NUP210: variants seen among roughly 807,000 people sequenced by gnomAD.
NUP210 encodes the protein nuclear pore membrane glycoprotein 210.
A neutral mutation model predicts 196.0 loss-of-function variants in NUP210; 151 were observed. The ratio of observed to expected loss-of-function variants is 0.77; its 90% CI spans 0.67 to 0.88. The LOEUF (loss-of-function observed/expected upper bound fraction) is 0.88, where lower values mean the gene tolerates loss of function less well. Among genes scored for constraint, NUP210 ranks in the 40% least tolerant of loss-of-function variants. The pLI, the probability that NUP210 is intolerant of heterozygous loss-of-function variation, is 0.00. For synonymous variants in NUP210, 1,070 were observed against 1,052.7 expected, an observed-to-expected ratio of 1.02 and a Z score of -0.32; for missense variants, 2,314 against 2,493.7, an observed-to-expected ratio of 0.93 and a Z score of 1.53.
In NUP210 at chr3:13,328,881, G is replaced by A. The variant is rs927507336; in HGVS notation, c.4176C>T (p.Ala1392=). Residue 1392 remains alanine (A), a synonymous_variant, in exon 31 of 40, where the codon GCC becomes GCT. Transcript: ENST00000254508. ...TCATTCCCAAAGGCACGGCCACCAG[G>A]GCCTCCTTGTTCTGGGTGTGCAGGA... ...SPVLHTQNKE[A]LVAVPLGMTV... is the part of the protein sequence containing the mutation. 4 of 1,614,144 alleles carry A rather than the reference G, an allele frequency of 2.5e-6. No individual in the cohort carries two copies. The highest frequency in any genetic ancestry group is 1.1e-5 in the South Asian group (1 of 91,088).
chr3:13,383,633 T>A (rs1699174226), intron 6 of NUP210, among the ~76,000 whole-genome samples: 1 of 147,476 alleles, frequency 6.8e-6, no homozygotes, highest in African/African-American at 2.5e-5. Context: ...CAAGCAATTC[T>A]CCTGCCTCAG....
intron 25 of NUP210, 26 bp from the exon 26 acceptor site, chr3:13,337,943 T>C (rs745949018): frequency 8.1e-6 from 13 of 1,605,718 alleles, no homozygotes; most frequent in African/African-American, 1.3e-5. Context: ...GGCACTTAGG[T>C]GTGGGGATGC....
chr3:13,380,066 T>C (rs1279892636), intron 6 of NUP210, among the ~76,000 whole-genome samples: 1 of 152,162 alleles, frequency 6.6e-6, no homozygotes, highest in Non-Finnish European at 1.5e-5. Context: ...GAGGGGGCAC[T>C]GGGGTTCTTG....
intron 6 of NUP210, among the ~76,000 whole-genome samples, chr3:13,380,585 G>C (rs537398592): frequency 6.6e-6 from 1 of 152,278 alleles, no homozygotes; most frequent in South Asian, 2.1e-4. Flanking sequence ...TCCTAAGCCC[G>C]CGGAGCTTCC....
At position 13,415,546 on chromosome 3, in the gene NUP210, C is replaced by G. The variant is rs187890354; in HGVS notation, c.167+4514G>C. On this transcript the variant is annotated intron_variant, in intron 1 of 39. Transcript: ENST00000254508. The stretch of plus-strand genomic sequence containing the variant: ...CAGCATGCACACAAATTGAGTGGTA[C>G]AGGGGAAAACACTCTCAACGAAAAG... 2.4e-3 allele frequency among the ~76,000 whole-genome samples: 369 copies of G among 152,282 alleles called. 2 individuals carry two copies. Among genetic ancestry groups the G allele is most frequent in the African/African-American group, 8.3e-3 (347 of 41,560 alleles).
chr3:13,327,294 G>T lies in NUP210; in HGVS notation c.4430C>A (p.Ala1477Asp). 6.2e-7 allele frequency: 1 copy of T among 1,613,510 alleles called. No homozygotes were observed. The highest frequency in any genetic ancestry group is 8.5e-7 in the Non-Finnish European group (1 of 1,180,026). The change falls in exon 32 of 40, where the codon GCC becomes GAC. Residue 1477 changes from alanine (A) to aspartate (D), a missense_variant. Physicochemically the swap from Ala to Asp is moderately radical, Grantham distance 126. Coordinates refer to ENST00000254508, the MANE Select transcript of NUP210 (RefSeq NM_024923.4). ...SDFMPLPVLQ[A>D]ISPELSGAMV... ...GGCCCCAGACAGCTCTGGGGAGATG[G>T]CCTGTAGGACAGGCAGGGGCATGAA...
intron 27 of NUP210, among the ~76,000 whole-genome samples, 185 bp from the exon 28 acceptor site, chr3:13,335,797 C>T (rs1697193247): frequency 1.3e-5 from 2 of 152,238 alleles, no homozygotes; most frequent in Non-Finnish European, 1.5e-5. Context: ...GCAGACCCGG[C>T]TTCCCCAGCA....
At chr3:13,362,608 T>C (rs1436187212) in intron 14 of NUP210, among the ~76,000 whole-genome samples, 4 of 152,236 alleles carry the variant, frequency 2.6e-5, no homozygotes, top group African/African-American at 9.6e-5. Context: ...TTTTTGAATA[T>C]GAACATTTTT....
intron 1 of NUP210, among the ~76,000 whole-genome samples, chr3:13,408,562 T>A (rs1700068795): frequency 6.6e-6 from 1 of 152,154 alleles, no homozygotes; most frequent in African/African-American, 2.4e-5. Context: ...TGCCAAGGCA[T>A]GTGGATCATG....
intron 5 of NUP210, among the ~76,000 whole-genome samples, chr3:13,387,360 T>C (rs1346817512): frequency 6.6e-6 from 1 of 152,234 alleles, no homozygotes; most frequent in South Asian, 2.1e-4. Context: ...TGAATGTCTA[T>C]GGGCAGGACA....
chr3:13,334,732 A>G (rs185786203), intron 28 of NUP210, among the ~76,000 whole-genome samples: 2 of 152,348 alleles, frequency 1.3e-5, no homozygotes, highest in Admixed American at 1.3e-4. Context: ...TCCACCTTGC[A>G]GAGGGGCCCA....
intron 28 of NUP210, among the ~76,000 whole-genome samples, chr3:13,334,355 G>GTGC (rs765182357): frequency 3.9e-5 from 6 of 152,264 alleles, no homozygotes; most frequent in Non-Finnish European, 7.4e-5. Context: ...GTGTGGGGAT[G>GTGC]TGCATGTGTA....
intron 16 of NUP210, among the ~76,000 whole-genome samples, chr3:13,357,415 C>T (rs1262778455): frequency 6.6e-6 from 1 of 152,224 alleles, no homozygotes; most frequent in Non-Finnish European, 1.5e-5. Flanking sequence ...TGTGCATCTC[C>T]TGGTCTCCCT....
intron 16 of NUP210, among the ~76,000 whole-genome samples, chr3:13,355,480 A>G (rs1698137515): frequency 6.6e-6 from 1 of 152,222 alleles, no homozygotes; most frequent in Non-Finnish European, 1.5e-5. Context: ...AGAGAGGCTC[A>G]TGCAGCATGG....
At chr3:13,333,110 G>T (rs1369339678) in intron 28 of NUP210, among the ~76,000 whole-genome samples, 1 of 152,212 alleles carries the variant, frequency 6.6e-6, no homozygotes, top group Admixed American at 6.5e-5. Context: ...CTGGTGAGGA[G>T]CTCAGTCCGG....
rs1396980411 is a variant in NUP210, at chr3:13,323,523, CAT to C, written c.4645-93_4645-92del. 5.5e-6 allele frequency: 8 copies of C among 1,444,720 alleles called. No homozygotes were observed. In the East Asian group the frequency reaches 1.8e-4, roughly 33 times the overall value. The allele number at this position is 1,444,720 out of a possible 1,614,324, so 89.5% of individuals were successfully genotyped here. A position where few individuals can be genotyped will look rare whatever the true frequency, so the allele number is the denominator to read the frequency against. On this transcript the variant is annotated intron_variant, in intron 33 of 39. Transcript: ENST00000254508. The surrounding 1 kb of genome is among the most constrained non-coding windows in gnomAD (Gnocchi z 4.3). ...CACAACCTCACCCTGCAGTCTGTGA[CAT>C]AGTGTCACCCGTTTCACAGGTGGCA...
At position 13,336,366 on chromosome 3, in the gene NUP210, C is replaced by G. The variant is rs73148065; in HGVS notation, c.3684+421G>C. 6.8e-3 allele frequency among the ~76,000 whole-genome samples: 1,031 copies of G among 152,330 alleles called. 8 individuals are homozygous for G. The highest frequency in any genetic ancestry group is 0.021 in the African/African-American group (890 of 41,566). On this transcript the variant is annotated intron_variant, in intron 27 of 39. Coordinates refer to ENST00000254508, the MANE Select transcript of NUP210 (RefSeq NM_024923.4). ...CGTTTCTGGCCTCAGTTAACACAGA[C>G]AGACTTAGTAGTCTCCCTGGCACCT...
In NUP210 at chr3:13,350,477, CAAAAAACAAAACAAAACA is replaced by C. The variant is rs2124876121; in HGVS notation, c.2835+1384_2835+1401del. 1.7e-5 allele frequency among the ~76,000 whole-genome samples: 1 copy of C among 57,268 alleles called. No individual in the cohort carries two copies. Among genetic ancestry groups the C allele is most frequent in the South Asian group, 4.0e-4 (1 of 2,522 alleles). The allele number at this position is 57,268 out of a possible 152,430, so 37.6% of individuals were successfully genotyped here. On this transcript the variant is annotated intron_variant, in intron 20 of 39. Coordinates refer to ENST00000254508, the MANE Select transcript of NUP210 (RefSeq NM_024923.4). This position sits in a 1 kb window ranked among gnomAD's most constrained non-coding sequence, Gnocchi z 4.1. ...CAAAACAAAACAAAACAAAACAAAA[CAAAAAACAAAACAAAACA>C]GGAAAACATGACCCGTACTCCAGAA...
intron 14 of NUP210, 104 bp from the exon 15 acceptor site, chr3:13,360,595 G>T: frequency 1.2e-6 from 1 of 809,516 alleles, no homozygotes. Context: ...GGGGCTGGTG[G>T]TCAGGCAAGC....
Sources: gnomAD v4.1 joint callset for allele counts (sites outside exome capture counted in the v4.1 genomes callset) on GRCh38, gnomAD v4.1.1 for gene constraint, Gnocchi (gnomAD v3.1) non-coding constraint, MANE v1.5 for transcripts, NCBI Gene and HGNC (gene_info 2026-07-23, HGNC 2026-07-21) for gene names.